The following GGCT variants were observed in gnomAD, a reference collection of about 807,000 sequenced individuals.
The protein encoded by GGCT is gamma-glutamylcyclotransferase.
In GGCT, 20 loss-of-function variants were observed where a neutral mutation model predicts 22.1. The observed-to-expected ratio is 0.91, with a 90% CI of 0.64 to 1.32. GGCT has a LOEUF of 1.32. Among genes scored for constraint, GGCT ranks in the 40% most tolerant of loss-of-function variants. The pLI, the probability that GGCT is intolerant of heterozygous loss-of-function variation, is 0.00. For synonymous variants in GGCT, 72 were observed against 78.4 expected (o/e 0.92, Z 0.43); for missense variants, 209 against 223.5 (o/e 0.94, Z 0.41).
chr7:30,503,950 A>G (rs1474073004), intron 1 of GGCT, among the ~76,000 whole-genome samples: 1 of 152,110 alleles, frequency 6.6e-6, no homozygotes, highest in African/African-American at 2.4e-5. Context: ...GTTCCTCGAA[A>G]CAGCCACTTT....
chr7:30,498,042 CAT>C (rs1239332290), intron 3 of GGCT: 3 of 184,870 alleles, frequency 1.6e-5, no homozygotes, highest in African/African-American at 7.3e-5. Context: ...CACACATATA[CAT>C]ATATATACAT....
At chr7:30,502,781 C>G (rs1344640690) in intron 1 of GGCT, among the ~76,000 whole-genome samples, 1 of 152,240 alleles carries the variant, frequency 6.6e-6, no homozygotes, top group African/African-American at 2.4e-5. Flanking sequence ...CACCCTAGTT[C>G]AAGATGCCAT....
intron 1 of GGCT, among the ~76,000 whole-genome samples, chr7:30,501,254 G>A (rs1789695589): frequency 6.6e-6 from 1 of 152,176 alleles, no homozygotes; most frequent in African/African-American, 2.4e-5. Flanking sequence ...CTGCAAATGG[G>A]AAGGCCATTT....
At chr7:30,499,424 C>G (rs1022555176) in intron 2 of GGCT, among the ~76,000 whole-genome samples, 11 of 150,500 alleles carry the variant, frequency 7.3e-5, no homozygotes, top group African/African-American at 2.7e-4. Flanking sequence ...AAAAAAAAGG[C>G]CGGGTGCAGT....
chr7:30,500,908 A>G (rs1442653149), intron 1 of GGCT, among the ~76,000 whole-genome samples: 1 of 152,376 alleles, frequency 6.6e-6, no homozygotes, highest in East Asian at 1.9e-4. Context: ...CATACACTGA[A>G]TATGTATAGA....
At chr7:30,499,086 G>A in intron 2 of GGCT, 148 bp from the exon 3 acceptor site, 1 of 780,880 alleles carries the variant, frequency 1.3e-6, no homozygotes, top group Admixed American at 1.9e-5. Context: ...ATTTGGGATA[G>A]AGAATATATA....
chr7:30,498,158 T>C (rs1458780556), intron 3 of GGCT, among the ~76,000 whole-genome samples: 1 of 142,778 alleles, frequency 7.0e-6, no homozygotes, highest in Non-Finnish European at 1.5e-5. Flanking sequence ...ATCATAAAAA[T>C]GAAGCAAAAA....
chr7:30,500,311 T>C (rs1252481266), intron 2 of GGCT, among the ~76,000 whole-genome samples: 1 of 152,228 alleles, frequency 6.6e-6, no homozygotes, highest in East Asian at 1.9e-4. Context: ...TTCCATCTTT[T>C]ACATAAGAGA....
In GGCT at chr7:30,500,656, G is replaced by A. The variant is rs777720581; in HGVS notation, c.167C>T (p.Ser56Phe). ...CCAAGTTTGACTTGTTTTGCCTTGG[G>A]AATTGCCAAAGTCAAGCTTAAAATC... ...LQDFKLDFGNSQGKTSQTWHG... is the reference protein window; with the variant it reads ...LQDFKLDFGNFQGKTSQTWHG... Residue 56 changes from serine (S) to phenylalanine (F), a missense_variant, in exon 2 of 4, where the codon TCC (serine) becomes TTC (phenylalanine). Ser to Phe is a radical substitution (Grantham distance 155). Coordinates refer to ENST00000275428, the MANE Select transcript of GGCT (RefSeq NM_024051.4). 6.2e-7 allele frequency: 1 copy of A among 1,613,660 alleles called. No homozygotes were observed. The highest frequency in any genetic ancestry group is 1.7e-5 in the Admixed American group (1 of 59,984).
rs1789567282 is a variant in GGCT at position 30,497,265 on chromosome 7, A to G, written c.424-30T>C. 1.9e-6 allele frequency: 3 copies of G among 1,559,028 alleles called. No homozygotes were observed. The South Asian group carries it at 3.5e-5, about 18-fold the overall frequency. On this transcript the variant is annotated intron_variant, in intron 3 of 3. Coordinates refer to ENST00000275428, the MANE Select transcript of GGCT (RefSeq NM_024051.4). ...AAATGGTTAAAACAAACAGACAAAA[A>G]AACCCTTTCAGTTAGGAATATAATT...
At chr7:30,497,441 A>AG (rs1366869917) in intron 3 of GGCT, 1 of 398,486 alleles carries the variant, frequency 2.5e-6, no homozygotes, top group East Asian at 3.7e-5. Flanking sequence ...AGCCAAATGA[A>AG]GCATCCTCAT....
chr7:30,497,929 T>C, intron 3 of GGCT: 1 of 1,276,822 alleles, frequency 7.8e-7, no homozygotes, highest in East Asian at 2.8e-5. Flanking sequence ...CAGTAGAAAG[T>C]ATGTTTTTTT....
Position 30,504,590 on chromosome 7 carries a change from G to T in GGCT, c.120C>A (p.Phe40Leu), listed in dbSNP as rs777404230. The change falls in exon 1 of 4, where the codon TTC becomes TTA. Residue 40 changes from phenylalanine (F) to leucine (L), a missense_variant. Transcript: ENST00000275428. The stretch of plus-strand genomic sequence containing the variant: ...TCACCTGCAGGCGGGCCACACAGAA[G>T]AACGCCGCCGAGGGGTTTCGGAGGT... ...RIHLRNPSAA[F>L]FCVARLQDFK... The T allele has an allele frequency of 2.5e-6, 4 of 1,613,864 alleles. No individual in the cohort carries two copies. The South Asian group carries it at 3.3e-5, about 13-fold the overall frequency.
chr7:30,501,740 TA>T (rs1789708317), intron 1 of GGCT, among the ~76,000 whole-genome samples: 1 of 152,232 alleles, frequency 6.6e-6, no homozygotes, highest in African/African-American at 2.4e-5. Flanking sequence ...TAGATAAATT[TA>T]AAAAGTTGAA....
chr7:30,502,349 G>T lies in GGCT; in HGVS notation c.142-1668C>A, dbSNP rs577901744. On this transcript the variant is annotated intron_variant, in intron 1 of 3. Transcript: ENST00000275428. Reference sequence around the variant, plus strand: ...CAGTGTGGCCCAAGGAAGCCAAAAGGTTGGACACCCATGGTCTAGGCCATT... The same window carrying T: ...CAGTGTGGCCCAAGGAAGCCAAAAGTTTGGACACCCATGGTCTAGGCCATT... 4.6e-5 allele frequency among the ~76,000 whole-genome samples: 7 copies of T among 152,260 alleles called. No homozygotes were observed. The Middle Eastern group carries it at 0.01, about 222-fold the overall frequency.
In GGCT at chr7:30,498,113, C is replaced by T. The variant is rs1035423408; in HGVS notation, c.423+690G>A. On this transcript the variant is annotated intron_variant, in intron 3 of 3. Transcript: ENST00000275428. ...GAGACTAAATCTATTAAAATACACT[C>T]ATAAATATTCTTTCCTACTTTAATA... is the stretch of plus-strand genomic sequence containing the variant. 4.7e-4 allele frequency among the ~76,000 whole-genome samples: 70 copies of T among 147,816 alleles called. 1 individual carries two copies. Among genetic ancestry groups the T allele is most frequent in the African/African-American group, 1.6e-3 (63 of 40,588 alleles).
chr7:30,503,781 CTTTTTTTTTTTTTTTTTT>C (rs58105855), intron 1 of GGCT, among the ~76,000 whole-genome samples: 1 of 68,560 alleles, frequency 1.5e-5, no homozygotes, highest in Non-Finnish European at 2.5e-5. Context: ...TCAACACATT[CTTTTTTTTTTTTTTTTTT>C]TTTTTTTTGC....
At position 30,504,309 on chromosome 7, in the gene GGCT, A is replaced by G. The variant is rs938885292; in HGVS notation, c.141+260T>C. Among the ~76,000 whole-genome samples the G allele has an allele frequency of 4.6e-5, 7 of 152,268 alleles. No individual in the cohort carries two copies. The East Asian group carries it at 1.3e-3, about 29-fold the overall frequency. ...CTGTTAAGTTAGTGGACGAGAGGCC[A>G]AATCGGTGCAGACCGAGCAGCCGGT... is the stretch of plus-strand genomic sequence containing the variant. On this transcript the variant is annotated intron_variant, in intron 1 of 3. Transcript: ENST00000275428.
intron 1 of GGCT, among the ~76,000 whole-genome samples, chr7:30,501,574 A>G (rs1413477590): frequency 6.6e-6 from 1 of 152,228 alleles, no homozygotes; most frequent in Non-Finnish European, 1.5e-5. Context: ...GAGGTGGGCA[A>G]TCAGGGGATA....
Sources: gnomAD v4.1 joint callset for allele counts (sites outside exome capture counted in the v4.1 genomes callset) on GRCh38, gnomAD v4.1.1 for gene constraint, MANE v1.5 for transcripts, NCBI Gene and HGNC (gene_info 2026-07-23, HGNC 2026-07-21) for gene names.